The following SLC24A2 variants were observed in gnomAD, a reference collection of about 807,000 sequenced individuals.
SLC24A2 encodes the protein solute carrier family 24 member 2, also known as sodium/potassium/calcium exchanger 2.
Under a neutral mutation model 62.0 loss-of-function variants are expected in SLC24A2, and 36 were observed. That is an observed-to-expected ratio of 0.58 (90% CI 0.44 to 0.77). The LOEUF (loss-of-function observed/expected upper bound fraction) is 0.77. Among genes scored for constraint, SLC24A2 ranks in the 30% least tolerant of loss-of-function variants. The probability of loss-of-function intolerance (pLI) is 0.00; values close to 1 mark genes in which losing one functional copy is unlikely to be tolerated. For synonymous variants in SLC24A2, 358 were observed against 294.0 expected (o/e 1.22, Z -2.23); for missense variants, 846 against 817.9 (o/e 1.03, Z -0.42).
At chr9:19,751,792 G>A (rs979172265) in intron 2 of SLC24A2, among the ~76,000 whole-genome samples, 4 of 152,096 alleles carry the variant, frequency 2.6e-5, no homozygotes, top group African/African-American at 4.8e-5. Context: ...GCAAATATGT[G>A]TCTGGAGGAT....
At chr9:19,960,083 G>GA in the SLC24A2 span, among the ~76,000 whole-genome samples, 1 of 152,140 alleles carries the variant, frequency 6.6e-6, no homozygotes, top group Admixed American at 6.5e-5. Flanking sequence ...TAAGCTATTG[G>GA]CAGTGACCTT....
At chr9:19,743,316 C>T (rs953739849) in intron 2 of SLC24A2, among the ~76,000 whole-genome samples, 4 of 152,048 alleles carry the variant, frequency 2.6e-5, no homozygotes, top group Admixed American at 6.6e-5. Flanking sequence ...GTGTAATCCA[C>T]CTTATAAATT....
intron 2 of SLC24A2, among the ~76,000 whole-genome samples, chr9:19,766,895 C>A (rs1454713371): frequency 6.6e-6 from 1 of 152,136 alleles, no homozygotes; most frequent in Non-Finnish European, 1.5e-5. Context: ...ACGCCCACAG[C>A]CACCCCTTCC....
At chr9:19,680,582 G>A (rs939692698) in intron 2 of SLC24A2, among the ~76,000 whole-genome samples, 14 of 145,160 alleles carry the variant, frequency 9.6e-5, no homozygotes, top group Admixed American at 2.9e-4. Flanking sequence ...TAAACATTAT[G>A]AGAAATGCAG....
the SLC24A2 span, among the ~76,000 whole-genome samples, chr9:19,809,475 G>A: frequency 6.6e-6 from 1 of 152,136 alleles, no homozygotes; most frequent in Non-Finnish European, 1.5e-5. Context: ...GGGTATGGAA[G>A]CCCTCCGTAA....
At chr9:20,136,320 G>A in the SLC24A2 span, among the ~76,000 whole-genome samples, 2 of 152,268 alleles carry the variant, frequency 1.3e-5, no homozygotes, top group South Asian at 2.1e-4. Flanking sequence ...CTGCCAAAAT[G>A]AGTACTAAGA....
chr9:20,130,704 T>C, the SLC24A2 span, among the ~76,000 whole-genome samples: 5 of 152,142 alleles, frequency 3.3e-5, no homozygotes, highest in African/African-American at 9.7e-5. Flanking sequence ...TGATTACTAT[T>C]TGAAAAACAG....
At chr9:19,808,838 C>T in the SLC24A2 span, among the ~76,000 whole-genome samples, 1 of 152,208 alleles carries the variant, frequency 6.6e-6, no homozygotes, top group Non-Finnish European at 1.5e-5. The surrounding 1 kb of genome is among the most constrained non-coding windows in gnomAD (Gnocchi z 4.1). Flanking sequence ...CTTCTAGGAT[C>T]ATGAGCCATG....
chr9:19,904,105 T>C, the SLC24A2 span, among the ~76,000 whole-genome samples: 70,565 of 151,962 alleles, frequency 0.46, 16,868 homozygotes, highest in South Asian at 0.62. Flanking sequence ...CCAGGACCTG[T>C]ATCCTCACTC....
At chr9:19,702,371 G>A (rs1820381078) in intron 2 of SLC24A2, among the ~76,000 whole-genome samples, 1 of 152,174 alleles carries the variant, frequency 6.6e-6, no homozygotes, top group South Asian at 2.1e-4. Flanking sequence ...AGCCATCTCA[G>A]TTATTCTGAT....
the SLC24A2 span, among the ~76,000 whole-genome samples, chr9:20,194,892 C>A: frequency 5.3e-5 from 8 of 152,042 alleles, no homozygotes; most frequent in African/African-American, 1.4e-4. Context: ...TTTCCCATCA[C>A]AACCACTACT....
At chr9:19,550,669 G>A (rs1834799426) in intron 7 of SLC24A2, among the ~76,000 whole-genome samples, 1 of 150,914 alleles carries the variant, frequency 6.6e-6, no homozygotes, top group African/African-American at 2.4e-5. Context: ...CAGGCTCCTT[G>A]GGAAGGAGAG....
the SLC24A2 span, among the ~76,000 whole-genome samples, chr9:19,947,979 CT>C: frequency 6.6e-6 from 1 of 152,138 alleles, no homozygotes; most frequent in Non-Finnish European, 1.5e-5. Context: ...CCCTAATTGC[CT>C]CTTTGTTTCT....
chr9:19,641,223 C>T, intron 2 of SLC24A2, among the ~76,000 whole-genome samples: 1 of 152,252 alleles, frequency 6.6e-6, no homozygotes, highest in East Asian at 1.9e-4. Context: ...CTCTGCTTTA[C>T]TGACTTCTCA....
chr9:19,812,810 CT>C, the SLC24A2 span, among the ~76,000 whole-genome samples: 1 of 151,594 alleles, frequency 6.6e-6, no homozygotes, highest in East Asian at 1.9e-4. Context: ...AAAATTGGGT[CT>C]GATAATCTTA....
At chr9:20,080,324 A>G in the SLC24A2 span, among the ~76,000 whole-genome samples, 1 of 152,244 alleles carries the variant, frequency 6.6e-6, no homozygotes, top group African/African-American at 2.4e-5. Context: ...ATAATGCCGC[A>G]TATCTGCAAC....
chr9:19,815,260 C>A, the SLC24A2 span, among the ~76,000 whole-genome samples: 1 of 152,102 alleles, frequency 6.6e-6, no homozygotes, highest in African/African-American at 2.4e-5. Context: ...TTGGGATTCT[C>A]CTGCAAATTC....
the SLC24A2 span, among the ~76,000 whole-genome samples, chr9:19,875,003 A>AG: frequency 1.3e-5 from 2 of 151,630 alleles, no homozygotes; most frequent in Non-Finnish European, 2.9e-5. Flanking sequence ...TTACAAAAAA[A>AG]AAAAAAAAAA....
chr9:19,804,065 T>C, the SLC24A2 span, among the ~76,000 whole-genome samples: 50 of 152,182 alleles, frequency 3.3e-4, 1 homozygote, highest in Non-Finnish European at 4.4e-4. Flanking sequence ...GTGAGTCCTC[T>C]AACATCGTTA....
Sources: gnomAD v4.1 joint callset for allele counts (sites outside exome capture counted in the v4.1 genomes callset) on GRCh38, gnomAD v4.1.1 for gene constraint, Gnocchi (gnomAD v3.1) non-coding constraint, MANE v1.5 for transcripts, NCBI Gene and HGNC (gene_info 2026-07-23, HGNC 2026-07-21) for gene names.